Variants in ERBB4 observed in about 807,000 individuals in gnomAD.
The protein encoded by ERBB4 is erb-b2 receptor tyrosine kinase 4, also known as receptor tyrosine-protein kinase erbB-4.
A neutral mutation model predicts 158.0 loss-of-function variants in ERBB4; 42 were observed. The ratio of observed to expected loss-of-function variants is 0.27; its 90% CI spans 0.21 to 0.34. The LOEUF is 0.34. ERBB4 is among the 10% of genes least tolerant of loss of function. ERBB4 has a pLI of 1.00. For missense variants in ERBB4, 1,333 were observed against 1,624.1 expected, an observed-to-expected ratio of 0.82 and a Z score of 3.08; for synonymous variants, 583 against 558.7, an observed-to-expected ratio of 1.04 and a Z score of -0.61.
chr2:211,919,507 A>C (rs937135890), intron 3 of ERBB4, among the ~76,000 whole-genome samples: 7 of 152,098 alleles, frequency 4.6e-5, no homozygotes, highest in Non-Finnish European at 1.0e-4. Flanking sequence ...TGAATGGAAG[A>C]AAAAGCAAAT....
intron 12 of ERBB4, among the ~76,000 whole-genome samples, chr2:211,681,906 T>G (rs35882647): frequency 0.29 from 43,537 of 151,980 alleles, 7,695 homozygotes; most frequent in East Asian, 0.9. Flanking sequence ...CAACCCAGGT[T>G]CACAAAGGTT....
In ERBB4 at chr2:211,630,457, C is replaced by T. The variant is rs367976506; in HGVS notation, c.2079+5G>A. On this transcript the variant is annotated splice_donor_5th_base_variant and intron_variant, in intron 17 of 27. Coordinates refer to ENST00000342788, the MANE Select transcript of ERBB4 (RefSeq NM_005235.3). ...ACACATGAAGAGGAGAAAGAAATAC[C>T]TCACCTCTGTTTCCAAGAATCTTCT... 1.3e-4 allele frequency: 204 copies of T among 1,612,788 alleles called. No homozygotes were observed. The highest frequency in any genetic ancestry group is 1.6e-4 in the Non-Finnish European group (193 of 1,179,098).
intron 13 of ERBB4, 120 bp downstream of exon 13, chr2:211,678,932 A>T: frequency 1.1e-6 from 1 of 939,282 alleles, no homozygotes; most frequent in Non-Finnish European, 1.5e-6. Context: ...GTGCCGCTGC[A>T]CTCCAGCCAG....
chr2:212,168,384 C>T (rs192108165), intron 1 of ERBB4, among the ~76,000 whole-genome samples: 8 of 152,226 alleles, frequency 5.3e-5, no homozygotes. Context: ...TCTTGCATGA[C>T]ATCTCTTTTC....
intron 1 of ERBB4, among the ~76,000 whole-genome samples, chr2:212,408,538 G>T (rs2091413178): frequency 6.6e-6 from 1 of 152,128 alleles, no homozygotes; most frequent in South Asian, 2.1e-4. Flanking sequence ...AGCTACTTGG[G>T]AGGCTGAGTC....
chr2:211,997,416 T>A (rs976015015), intron 2 of ERBB4, among the ~76,000 whole-genome samples: 3 of 152,136 alleles, frequency 2.0e-5, no homozygotes, highest in African/African-American at 7.2e-5. Flanking sequence ...TGTAATAAAA[T>A]GTTGATGTTG....
intron 1 of ERBB4, among the ~76,000 whole-genome samples, chr2:212,308,477 G>C (rs2086897813): frequency 6.6e-6 from 1 of 150,992 alleles, no homozygotes; most frequent in Admixed American, 6.6e-5. Context: ...CATTCTCCAA[G>C]TGGTATTTCT....
At chr2:211,666,637 C>G (rs188620710) in intron 14 of ERBB4, among the ~76,000 whole-genome samples, 11 of 152,244 alleles carry the variant, frequency 7.2e-5, no homozygotes, top group Non-Finnish European at 8.8e-5. Context: ...TTCCCCGATG[C>G]TTTCATACAT....
intron 1 of ERBB4, among the ~76,000 whole-genome samples, chr2:212,415,039 A>C (rs10181082): frequency 0.13 from 19,926 of 152,178 alleles, 1,475 homozygotes; most frequent in African/African-American, 0.21. Context: ...GAGTCCTTGA[A>C]TCTATTAAAC....
At chr2:211,814,812 C>A (rs570637445) in intron 3 of ERBB4, among the ~76,000 whole-genome samples, 1 of 152,250 alleles carries the variant, frequency 6.6e-6, no homozygotes, top group Admixed American at 6.5e-5. Context: ...TGTTTCCCAG[C>A]ATTATTGTGA....
chr2:211,496,084 G>A (rs2065461497), intron 20 of ERBB4, among the ~76,000 whole-genome samples: 1 of 152,014 alleles, frequency 6.6e-6, no homozygotes, highest in South Asian at 2.1e-4. Flanking sequence ...ATTCAGTCCA[G>A]TTTTCCTCCT....
chr2:212,068,063 G>A (rs2077997046), intron 2 of ERBB4, among the ~76,000 whole-genome samples: 1 of 151,982 alleles, frequency 6.6e-6, no homozygotes, highest in Admixed American at 6.6e-5. Flanking sequence ...TTCAGTTCAT[G>A]GGGAGCCTGG....
intron 8 of ERBB4, among the ~76,000 whole-genome samples, chr2:211,712,730 T>C (rs2073747477): frequency 6.6e-6 from 1 of 151,606 alleles, no homozygotes; most frequent in Admixed American, 6.6e-5. Flanking sequence ...ACATGCTTTC[T>C]GAAGCTTCTA....
intron 25 of ERBB4, among the ~76,000 whole-genome samples, chr2:211,392,122 T>C (rs946039635): frequency 2.0e-5 from 3 of 152,228 alleles, no homozygotes; most frequent in Admixed American, 2.0e-4. Context: ...CTCAACCTTT[T>C]ATCCTCCCTG....
At chr2:211,992,833 CAA>C (rs2082112538) in intron 2 of ERBB4, among the ~76,000 whole-genome samples, 1 of 152,120 alleles carries the variant, frequency 6.6e-6, no homozygotes, top group African/African-American at 2.4e-5. Flanking sequence ...GCTCCAAAGA[CAA>C]AGTCTTATCT....
chr2:211,410,378 G>T (rs1423163120), intron 25 of ERBB4, among the ~76,000 whole-genome samples: 4 of 152,202 alleles, frequency 2.6e-5, no homozygotes, highest in Non-Finnish European at 5.9e-5. Context: ...TCTTTCACAT[G>T]TGTAAACATG....
chr2:211,536,295 C>T (rs114188626), intron 20 of ERBB4, among the ~76,000 whole-genome samples: 2,931 of 152,120 alleles, frequency 0.019, 52 homozygotes, highest in Non-Finnish European at 0.026. Context: ...ATGTCTGAAT[C>T]TAAAATGAAC....
At chr2:211,727,592 A>G (rs1189449525) in intron 5 of ERBB4, among the ~76,000 whole-genome samples, 1 of 152,106 alleles carries the variant, frequency 6.6e-6, no homozygotes, top group South Asian at 2.1e-4. Context: ...ACTAAGAAAT[A>G]TAAAGAGACA....
At chr2:211,898,244 A>G (rs1168220268) in intron 3 of ERBB4, among the ~76,000 whole-genome samples, 1 of 152,130 alleles carries the variant, frequency 6.6e-6, no homozygotes, top group African/African-American at 2.4e-5. Flanking sequence ...TCTTACACCA[A>G]ATCTTCTAGA....
Sources: gnomAD v4.1 joint callset for allele counts (sites outside exome capture counted in the v4.1 genomes callset) on GRCh38, gnomAD v4.1.1 for gene constraint, MANE v1.5 for transcripts, NCBI Gene and HGNC (gene_info 2026-07-23, HGNC 2026-07-21) for gene names.